LRRC4C: variants seen among roughly 807,000 people sequenced by gnomAD.
LRRC4C encodes the protein leucine rich repeat containing 4C, also known as leucine-rich repeat-containing protein 4C.
In LRRC4C, 5 loss-of-function variants were observed where a neutral mutation model predicts 33.6. That is an observed-to-expected ratio of 0.15 (90% CI 0.08 to 0.31). The LOEUF is 0.31. Ranked by LOEUF, LRRC4C falls within the 10% of genes least tolerant of loss-of-function variation. The pLI is 1.00. For synonymous variants in LRRC4C, 329 were observed against 302.0 expected, an observed-to-expected ratio of 1.09 and a Z score of -0.93; for missense variants, 560 against 796.7, an observed-to-expected ratio of 0.70 and a Z score of 3.58.
At chr11:40,939,736 C>T (rs956135957) in intron 1 of LRRC4C, among the ~76,000 whole-genome samples, 4 of 152,154 alleles carry the variant, frequency 2.6e-5, no homozygotes, top group Non-Finnish European at 5.9e-5. Flanking sequence ...GTTGCTGAGC[C>T]TTGTTCCTGT....
At chr11:40,344,834 T>C (rs546251911) in intron 3 of LRRC4C, among the ~76,000 whole-genome samples, 2 of 152,152 alleles carry the variant, frequency 1.3e-5, no homozygotes, top group South Asian at 2.1e-4. Flanking sequence ...ATGTAAAAAA[T>C]CAGTAGTACT....
intron 3 of LRRC4C, among the ~76,000 whole-genome samples, chr11:40,426,375 C>A (rs1265480925): frequency 7.8e-6 from 1 of 128,512 alleles, no homozygotes; most frequent in African/African-American, 2.6e-5. Flanking sequence ...TTGATCCAGC[C>A]ACTTTTTTTT....
At chr11:40,838,616 TAGAA>T (rs34918251) in intron 2 of LRRC4C, among the ~76,000 whole-genome samples, 110,991 of 151,420 alleles carry the variant, frequency 0.73, 41,597 homozygotes, top group East Asian at 0.86. Flanking sequence ...AAAATACACA[TAGAA>T]AGAATTATTA....
intron 2 of LRRC4C, among the ~76,000 whole-genome samples, chr11:40,888,527 T>A (rs1428046859): frequency 6.6e-6 from 1 of 152,038 alleles, no homozygotes; most frequent in Non-Finnish European, 1.5e-5. Flanking sequence ...AGTTGTTCTT[T>A]GCTGAAAAAT....
At chr11:40,545,195 T>C (rs1956865997) in intron 3 of LRRC4C, among the ~76,000 whole-genome samples, 1 of 152,058 alleles carries the variant, frequency 6.6e-6, no homozygotes, top group Middle Eastern at 3.2e-3. Context: ...TACCATGTTT[T>C]AATTATGTAT....
intron 1 of LRRC4C, among the ~76,000 whole-genome samples, chr11:41,415,927 T>A (rs1954661742): frequency 6.6e-6 from 1 of 152,034 alleles, no homozygotes; most frequent in East Asian, 1.9e-4. Context: ...TTCTGACTTG[T>A]CCAAGTCCAG....
intron 3 of LRRC4C, among the ~76,000 whole-genome samples, chr11:40,571,014 A>T (rs1039667207): frequency 1.3e-5 from 2 of 152,126 alleles, no homozygotes; most frequent in Non-Finnish European, 2.9e-5. Context: ...TATATCATGA[A>T]ACTATCAATA....
intron 1 of LRRC4C, among the ~76,000 whole-genome samples, chr11:41,040,918 C>T (rs1206698566): frequency 6.6e-6 from 1 of 152,100 alleles, no homozygotes; most frequent in African/African-American, 2.4e-5. Context: ...TTAAAGTGAG[C>T]AACGCATGCC....
intron 5 of LRRC4C, among the ~76,000 whole-genome samples, chr11:40,180,720 T>C (rs966365256): frequency 2.0e-5 from 3 of 152,232 alleles, no homozygotes; most frequent in Non-Finnish European, 2.9e-5. Flanking sequence ...TGGTTTTTCC[T>C]ACAGAATTTC....
chr11:41,345,499 T>C (rs1317644407), intron 1 of LRRC4C, among the ~76,000 whole-genome samples: 1 of 152,242 alleles, frequency 6.6e-6, no homozygotes, highest in African/African-American at 2.4e-5. Context: ...AAACTGCCAG[T>C]ATTATTAGGC....
At chr11:40,482,200 G>A (rs150094727) in intron 3 of LRRC4C, among the ~76,000 whole-genome samples, 276 of 152,236 alleles carry the variant, frequency 1.8e-3, no homozygotes, top group Non-Finnish European at 3.3e-3. Context: ...AGATCAAAGA[G>A]TCATCACATG....
chr11:40,923,566 G>A (rs1957281322), intron 2 of LRRC4C, among the ~76,000 whole-genome samples: 1 of 152,060 alleles, frequency 6.6e-6, no homozygotes, highest in Non-Finnish European at 1.5e-5. Context: ...CCTCAGCCTG[G>A]AGTCCCAAGT....
chr11:41,350,509 CAAA>C (rs71063914), intron 1 of LRRC4C, among the ~76,000 whole-genome samples: 5 of 106,460 alleles, frequency 4.7e-5, no homozygotes, highest in Non-Finnish European at 3.8e-5. Context: ...GACTCCATCT[CAAA>C]AAAAAAAAAA....
intron 3 of LRRC4C, among the ~76,000 whole-genome samples, chr11:40,593,287 T>C (rs1959140689): frequency 6.6e-6 from 1 of 152,234 alleles, no homozygotes; most frequent in Admixed American, 6.5e-5. Context: ...GAGAGATCTA[T>C]TAAACCTTAT....
intron 3 of LRRC4C, among the ~76,000 whole-genome samples, chr11:40,391,299 T>C (rs1255937724): frequency 1.3e-5 from 2 of 152,192 alleles, no homozygotes; most frequent in Admixed American, 1.3e-4. Flanking sequence ...TGACAAACTT[T>C]GTTTTTAAAG....
At chr11:40,258,023 A>G (rs560928986) in intron 4 of LRRC4C, among the ~76,000 whole-genome samples, 58 of 152,324 alleles carry the variant, frequency 3.8e-4, no homozygotes, top group African/African-American at 1.4e-3. Flanking sequence ...CGAAATTTCT[A>G]AAATTACAAG....
At chr11:40,251,124 A>G (rs757213133) in intron 4 of LRRC4C, among the ~76,000 whole-genome samples, 26 of 152,216 alleles carry the variant, frequency 1.7e-4, no homozygotes, top group Admixed American at 7.9e-4. Context: ...GCAGTCAGAA[A>G]GGAGGTCACT....
intron 3 of LRRC4C, among the ~76,000 whole-genome samples, chr11:40,465,915 C>T (rs1311855970): frequency 2.6e-5 from 4 of 151,968 alleles, no homozygotes; most frequent in East Asian, 1.9e-4. Flanking sequence ...CCAGCAATTC[C>T]GCTATTGGGT....
intron 2 of LRRC4C, among the ~76,000 whole-genome samples, chr11:40,927,394 G>GAA (rs202024011): frequency 6.9e-6 from 1 of 145,924 alleles, no homozygotes; most frequent in African/African-American, 2.5e-5. Flanking sequence ...TTAAAAAAAG[G>GAA]AAAAAAAAAA....
Sources: allele counts gnomAD v4.1 joint callset (sites outside exome capture counted in the v4.1 genomes callset), GRCh38; gene constraint gnomAD v4.1.1; transcripts MANE v1.5; gene names NCBI Gene and HGNC (gene_info 2026-07-23, HGNC 2026-07-21).